Variants in LSAMP observed in about 807,000 individuals in gnomAD.
LSAMP encodes the protein limbic system-associated membrane protein.
A neutral mutation model predicts 38.6 loss-of-function variants in LSAMP; 7 were observed. That is an observed-to-expected ratio of 0.18 (90% CI 0.10 to 0.34). The LOEUF (loss-of-function observed/expected upper bound fraction) is 0.34. Ranked by LOEUF, LSAMP falls within the 10% of genes least tolerant of loss-of-function variation. The probability of loss-of-function intolerance (pLI) is 1.00; values close to 1 mark genes in which losing one functional copy is unlikely to be tolerated. For missense variants in LSAMP, 313 were observed against 420.0 expected, an observed-to-expected ratio of 0.75 and a Z score of 2.23; for synonymous variants, 154 against 166.8, an observed-to-expected ratio of 0.92 and a Z score of 0.59.
intron 1 of LSAMP, among the ~76,000 whole-genome samples, chr3:116,270,721 G>C (rs1243222558): frequency 6.6e-6 from 1 of 152,024 alleles, no homozygotes; most frequent in African/African-American, 2.4e-5. Context: ...TTTTCTAAGG[G>C]CTCCCTGTTT....
chr3:116,254,031 C>T (rs1379440366), intron 1 of LSAMP, among the ~76,000 whole-genome samples: 1 of 152,156 alleles, frequency 6.6e-6, no homozygotes, highest in South Asian at 2.1e-4. Context: ...GCACTGACTG[C>T]ATATCCTTCA....
chr3:116,132,760 T>C (rs1709163697), intron 1 of LSAMP, among the ~76,000 whole-genome samples: 1 of 152,196 alleles, frequency 6.6e-6, no homozygotes, highest in Non-Finnish European at 1.5e-5. Flanking sequence ...TTTAAACAAT[T>C]AGTAATTATG....
chr3:116,068,944 A>G (rs187308361), intron 2 of LSAMP, among the ~76,000 whole-genome samples: 1 of 152,312 alleles, frequency 6.6e-6, no homozygotes, highest in African/African-American at 2.4e-5. Context: ...TGCTTCCCAT[A>G]TTACAGAGAA....
chr3:116,110,013 AAT>A (rs1708565013), intron 1 of LSAMP, among the ~76,000 whole-genome samples: 1 of 151,602 alleles, frequency 6.6e-6, no homozygotes, highest in African/African-American at 2.4e-5. Flanking sequence ...GGGGTGAGGA[AAT>A]AAGGGATTGG....
chr3:116,038,485 A>T (rs898772140), intron 2 of LSAMP, among the ~76,000 whole-genome samples: 1 of 152,156 alleles, frequency 6.6e-6, no homozygotes, highest in Non-Finnish European at 1.5e-5. Context: ...TATTTACTTG[A>T]ATCTGTAACA....
chr3:116,035,838 C>T (rs1216555683), intron 2 of LSAMP, among the ~76,000 whole-genome samples: 2 of 152,184 alleles, frequency 1.3e-5, no homozygotes, highest in Non-Finnish European at 2.9e-5. Context: ...TCAGTGCTCA[C>T]CAAGTATCTA....
chr3:116,285,312 A>C (rs984077220), intron 1 of LSAMP, among the ~76,000 whole-genome samples: 1 of 152,056 alleles, frequency 6.6e-6, no homozygotes, highest in Non-Finnish European at 1.5e-5. Flanking sequence ...GGTGATCGAG[A>C]CCTATCTTCA....
intron 3 of LSAMP, among the ~76,000 whole-genome samples, chr3:115,889,845 C>A (rs975607040): frequency 6.6e-6 from 1 of 151,926 alleles, no homozygotes; most frequent in African/African-American, 2.4e-5. Context: ...TCCATCACTA[C>A]TAAAACAATG....
At chr3:115,899,554 G>T (rs1038213431) in intron 3 of LSAMP, among the ~76,000 whole-genome samples, 5 of 151,976 alleles carry the variant, frequency 3.3e-5, no homozygotes, top group African/African-American at 1.2e-4. Flanking sequence ...CATGTCCTTG[G>T]AACACAATGA....
chr3:115,913,499 G>A (rs943938492), intron 3 of LSAMP, among the ~76,000 whole-genome samples: 4 of 152,146 alleles, frequency 2.6e-5, no homozygotes, highest in African/African-American at 4.8e-5. Flanking sequence ...AGCAGGAGCC[G>A]GTGTACTATG....
At chr3:116,433,084 C>G (rs1009835235) in intron 1 of LSAMP, among the ~76,000 whole-genome samples, 1 of 152,150 alleles carries the variant, frequency 6.6e-6, no homozygotes, top group Admixed American at 6.5e-5. Flanking sequence ...ACAAAATGAA[C>G]AGCCCTAACA....
intron 1 of LSAMP, among the ~76,000 whole-genome samples, chr3:116,114,210 T>C (rs1241748543): frequency 6.6e-6 from 1 of 152,200 alleles, no homozygotes; most frequent in Non-Finnish European, 1.5e-5. Context: ...CCTTCTTTCC[T>C]GAGGTATTCT....
intron 1 of LSAMP, among the ~76,000 whole-genome samples, chr3:116,275,591 C>CTCTT (rs2047040102): frequency 6.6e-6 from 1 of 151,988 alleles, no homozygotes; most frequent in Admixed American, 6.6e-5. Context: ...TTAAACCTCA[C>CTCTT]TCTTTAGGTT....
At position 115,814,623 on chromosome 3, in the gene LSAMP, G is replaced by A. The variant is rs556853659; in HGVS notation, c.920-4209C>T. Among the ~76,000 whole-genome samples, 350 of 152,226 alleles carry A rather than the reference G, an allele frequency of 2.3e-3. 2 individuals carry two copies. The highest frequency in any genetic ancestry group is 3.5e-3 in the Admixed American group (54 of 15,276). On this transcript the variant is annotated intron_variant, in intron 6 of 6. Coordinates refer to ENST00000490035, the MANE Select transcript of LSAMP (RefSeq NM_002338.5). The stretch of plus-strand genomic sequence containing the variant: ...GATTTAGGACTAAATTCATTCAAAG[G>A]GGTTGTCAATTATGCTTTCAGTGAT...
At chr3:116,382,742 A>G (rs76644620) in intron 1 of LSAMP, among the ~76,000 whole-genome samples, 3,873 of 152,216 alleles carry the variant, frequency 0.025, 163 homozygotes, top group African/African-American at 0.085. Context: ...ATATTTTTAA[A>G]AAATCTTTTA....
chr3:116,160,939 A>G (rs1278752522), intron 1 of LSAMP, among the ~76,000 whole-genome samples: 2 of 152,188 alleles, frequency 1.3e-5, no homozygotes, highest in Non-Finnish European at 2.9e-5. Flanking sequence ...AATACTTTAC[A>G]TTGTTTTCCA....
At chr3:116,107,086 C>G (rs920931224) in intron 1 of LSAMP, among the ~76,000 whole-genome samples, 16 of 151,986 alleles carry the variant, frequency 1.1e-4, no homozygotes, top group African/African-American at 3.4e-4. Flanking sequence ...CAAGTGTGAT[C>G]AGGGTGAGGA....
intron 1 of LSAMP, among the ~76,000 whole-genome samples, chr3:116,348,916 G>T (rs960903169): frequency 1.3e-5 from 2 of 151,986 alleles, no homozygotes; most frequent in African/African-American, 4.8e-5. Context: ...TATTATCTTT[G>T]ACAAGCCAAT....
intron 1 of LSAMP, among the ~76,000 whole-genome samples, chr3:116,398,753 T>C (rs2048802812): frequency 6.6e-6 from 1 of 152,192 alleles, no homozygotes; most frequent in South Asian, 2.1e-4. Flanking sequence ...GTATTAAGAA[T>C]CTATAGGTAC....
Sources: gnomAD v4.1 joint callset for allele counts (sites outside exome capture counted in the v4.1 genomes callset) on GRCh38, gnomAD v4.1.1 for gene constraint, MANE v1.5 for transcripts, NCBI Gene and HGNC (gene_info 2026-07-23, HGNC 2026-07-21) for gene names.